THSD7A: variants seen among roughly 807,000 people sequenced by gnomAD.
THSD7A encodes the protein thrombospondin type 1 domain containing 7A, also known as thrombospondin type-1 domain-containing protein 7A.
A neutral mutation model predicts 231.3 loss-of-function variants in THSD7A; 96 were observed. That is an observed-to-expected ratio of 0.41 (90% CI 0.35 to 0.49). THSD7A has a LOEUF of 0.49. THSD7A is among the 20% of genes least tolerant of loss of function. The probability of loss-of-function intolerance (pLI) is 0.05; values close to 1 mark genes in which losing one functional copy is unlikely to be tolerated. For synonymous variants in THSD7A, 940 were observed against 743.3 expected (o/e 1.26, Z -4.30); for missense variants, 2,290 against 2,070.2 (o/e 1.11, Z -2.06).
chr7:11,714,116 C>G (rs1010344092), intron 1 of THSD7A, among the ~76,000 whole-genome samples: 1 of 151,066 alleles, frequency 6.6e-6, no homozygotes, highest in African/African-American at 2.4e-5. Context: ...TGCAGGAAAA[C>G]GATGTTTTCA....
intron 1 of THSD7A, among the ~76,000 whole-genome samples, chr7:11,686,903 C>G (rs1400078333): frequency 6.6e-6 from 1 of 151,738 alleles, no homozygotes; most frequent in South Asian, 2.1e-4. Flanking sequence ...TCATTCATAA[C>G]CAAAACTTCA....
intron 1 of THSD7A, among the ~76,000 whole-genome samples, chr7:11,665,522 AAAG>A (rs1783096959): frequency 1.3e-5 from 2 of 152,126 alleles, no homozygotes; most frequent in South Asian, 2.1e-4. Context: ...ATCCATTTTC[AAAG>A]AAGGTTTCTA....
At chr7:11,665,529 G>A (rs1026892546) in intron 1 of THSD7A, among the ~76,000 whole-genome samples, 4 of 152,108 alleles carry the variant, frequency 2.6e-5, no homozygotes, top group African/African-American at 4.8e-5. Context: ...TTCAAAGAAG[G>A]TTTCTATAGT....
intron 2 of THSD7A, among the ~76,000 whole-genome samples, chr7:11,601,672 G>A (rs1584060909): frequency 1.3e-5 from 2 of 152,124 alleles, no homozygotes; most frequent in East Asian, 1.9e-4. Flanking sequence ...CTACAATAAC[G>A]ACAAATTCCA....
intron 9 of THSD7A, among the ~76,000 whole-genome samples, chr7:11,466,183 A>G (rs1785697969): frequency 6.6e-6 from 1 of 152,190 alleles, no homozygotes; most frequent in African/African-American, 2.4e-5. Flanking sequence ...TCTTTGTAAA[A>G]TTTAGACTTT....
intron 23 of THSD7A, among the ~76,000 whole-genome samples, chr7:11,386,750 A>G (rs1273114506): frequency 1.3e-5 from 2 of 152,068 alleles, no homozygotes; most frequent in Admixed American, 6.5e-5. Context: ...TTTTGTGCCC[A>G]TTGCTTTTGG....
chr7:11,560,858 A>G (rs928056326), intron 4 of THSD7A, among the ~76,000 whole-genome samples: 1 of 152,154 alleles, frequency 6.6e-6, no homozygotes, highest in Non-Finnish European at 1.5e-5. Flanking sequence ...ATTACAAACA[A>G]AAGTTTAGAA....
chr7:11,547,752 T>C (rs946474219), intron 4 of THSD7A, among the ~76,000 whole-genome samples: 3 of 152,196 alleles, frequency 2.0e-5, no homozygotes. Context: ...GCAACCTTCT[T>C]CTGAATGACT....
intron 6 of THSD7A, among the ~76,000 whole-genome samples, chr7:11,535,342 G>A (rs943887195): frequency 1.3e-5 from 2 of 151,998 alleles, no homozygotes; most frequent in Admixed American, 6.6e-5. Context: ...TATACTAACA[G>A]ATAGCAGACA....
chr7:11,435,229 A>G (rs1007744439), intron 13 of THSD7A, among the ~76,000 whole-genome samples: 9 of 152,084 alleles, frequency 5.9e-5, no homozygotes, highest in African/African-American at 2.2e-4. Context: ...TCTTACAGCA[A>G]ACTCTAAAGG....
chr7:11,570,594 G>C (rs1258967125), intron 4 of THSD7A, among the ~76,000 whole-genome samples: 1 of 152,128 alleles, frequency 6.6e-6, no homozygotes, highest in Non-Finnish European at 1.5e-5. Flanking sequence ...AAACATCACA[G>C]TACCACATAA....
intron 1 of THSD7A, among the ~76,000 whole-genome samples, chr7:11,683,483 A>T (rs965193748): frequency 4.6e-5 from 7 of 151,954 alleles, no homozygotes; most frequent in African/African-American, 1.7e-4. Flanking sequence ...ATGTTAACAC[A>T]TTAACAAAAG....
chr7:11,765,905 C>T (rs991273535), intron 1 of THSD7A, among the ~76,000 whole-genome samples: 1 of 152,080 alleles, frequency 6.6e-6, no homozygotes, highest in Non-Finnish European at 1.5e-5. Context: ...AGTCTGAATT[C>T]CCATCTCAAA....
intron 11 of THSD7A, among the ~76,000 whole-genome samples, chr7:11,453,460 T>C (rs1430953272): frequency 1.3e-5 from 2 of 151,994 alleles, no homozygotes; most frequent in Non-Finnish European, 2.9e-5. Context: ...TTTTGTGGTC[T>C]AGATTCAAGA....
At chr7:11,801,427 G>C (rs111597974) in intron 1 of THSD7A, among the ~76,000 whole-genome samples, 1 of 152,130 alleles carries the variant, frequency 6.6e-6, no homozygotes, top group African/African-American at 2.4e-5. Context: ...GCGAAGTATG[G>C]ATAAGTGAAT....
Position 11,679,056 on chromosome 7 carries a change from A to G in THSD7A, c.191-42095T>C, listed in dbSNP as rs532563632. Among the ~76,000 whole-genome samples the G allele has an allele frequency of 2.2e-4, 33 of 152,316 alleles. No individual in the cohort carries two copies. The South Asian group carries it at 6.4e-3, about 30-fold the overall frequency. On this transcript the variant is annotated intron_variant, in intron 1 of 27. Transcript: ENST00000423059. ...AGGCTGGTTCAACATATGCAAATCA[A>G]TAAATGTAATCCATCACATAAACAG...
Position 11,382,615 on chromosome 7 carries a change from A to G in THSD7A, c.4413T>C (p.Asp1471=). 1.9e-6 allele frequency: 3 copies of G among 1,610,690 alleles called. No homozygotes were observed. The highest frequency in any genetic ancestry group is 2.5e-6 in the Non-Finnish European group (3 of 1,177,486). The change falls in exon 24 of 28, where the codon GAT becomes GAC. Residue 1471 remains aspartate (D), a splice_region_variant and synonymous_variant. Coordinates refer to ENST00000423059, the MANE Select transcript of THSD7A (RefSeq NM_015204.3). The part of the protein sequence containing the change: ...EQMLETKSCY[D]GQCYEYKWMA... ...TCCATTTATATTCATAGCACTGTCC[A>G]TCTGCAGGGAAATAATAAACATTAG... is the stretch of plus-strand genomic sequence containing the variant.
At position 11,423,912 on chromosome 7, in the gene THSD7A, G is replaced by T. The variant is rs528757029; in HGVS notation, c.3383+784C>A. On this transcript the variant is annotated intron_variant, in intron 16 of 27. Transcript: ENST00000423059. ...TTAACGAGTATCAATCTAGTGTTAG[G>T]CAGTAGGGAATTCCTATGAATATGT... Among the ~76,000 whole-genome samples, 6 of 152,306 alleles carry T rather than the reference G, an allele frequency of 3.9e-5. No individual in the cohort carries two copies. In the South Asian group the frequency reaches 1.2e-3, roughly 32 times the overall value.
At chr7:11,785,746 C>T (rs1054862398) in intron 1 of THSD7A, among the ~76,000 whole-genome samples, 12 of 151,990 alleles carry the variant, frequency 7.9e-5, no homozygotes, top group Admixed American at 6.6e-5. Context: ...ACTTTTATAC[C>T]ACATCTGCTT....
Sources: allele counts gnomAD v4.1 joint callset (sites outside exome capture counted in the v4.1 genomes callset), GRCh38; gene constraint gnomAD v4.1.1; transcripts MANE v1.5; gene names NCBI Gene and HGNC (gene_info 2026-07-23, HGNC 2026-07-21).